Variants in FHIP1B observed in about 807,000 individuals in gnomAD.
FHIP1B encodes FHF complex subunit HOOK-interacting protein 1B.
In FHIP1B, 28 loss-of-function variants were observed where a neutral mutation model predicts 82.2. That is an observed-to-expected ratio of 0.34 (90% CI 0.25 to 0.47). The LOEUF (loss-of-function observed/expected upper bound fraction) is 0.47. FHIP1B is among the 20% of genes least tolerant of loss of function. The pLI is 1.00. For synonymous variants in FHIP1B, 585 were observed against 516.1 expected (o/e 1.13, Z -1.81); for missense variants, 1,110 against 1,262.6 (o/e 0.88, Z 1.83).
chr11:6,222,363 AG>A (rs1169041293), intron 6 of FHIP1B, 78 bp downstream of exon 6: 2 of 1,499,132 alleles, frequency 1.3e-6, no homozygotes, highest in East Asian at 4.5e-5. Context: ...AAAGAAGGGC[AG>A]GAATACCCTC....
At chr11:6,229,124 C>T (rs1376541368) in intron 1 of FHIP1B, among the ~76,000 whole-genome samples, 2 of 152,148 alleles carry the variant, frequency 1.3e-5, no homozygotes, top group Admixed American at 6.5e-5. Context: ...TTTTCTCAAT[C>T]GTATCTCATT....
Position 6,222,301 on chromosome 11 carries a change from G to A in FHIP1B, c.1191+141C>T, listed in dbSNP as rs554336259. ...TACCCAAAATGGTTAAAAGTTTAAT[G>A]CTGGAAAGTTAATGCCACTTAATTT... On this transcript the variant is annotated intron_variant, in intron 6 of 11. Transcript: ENST00000449352. 1.0e-5 allele frequency: 9 copies of A among 886,968 alleles called. No individual in the cohort carries two copies. The African/African-American group carries it at 1.2e-4, about 12-fold the overall frequency. The allele number at this position is 886,968 out of a possible 1,614,324, so 54.9% of individuals were successfully genotyped here.
rs371845795 is a variant in FHIP1B at position 6,214,429 on chromosome 11, G to A, written c.2539C>T (p.Arg847Cys). The change falls in exon 11 of 12, where the codon CGC (arginine) becomes TGC (cysteine). Residue 847 changes from arginine (R) to cysteine (C), a missense_variant. Arg to Cys is a radical substitution (Grantham distance 180). This residue lies in a region of FHIP1B where 147 missense variants were observed against 154.0 expected (regional missense o/e 0.95). Coordinates refer to ENST00000449352, the MANE Select transcript of FHIP1B (RefSeq NM_001098794.2). Reference protein sequence around the residue: ...AEGPAAGPAPRRSDPLVKSRR... With the variant: ...AEGPAAGPAPCRSDPLVKSRR... ...GCCTCACCTAGGGGATCAGAACGGC[G>A]TGGGGCAGGTCCTGCTGCAGGGCCC... is the stretch of plus-strand genomic sequence containing the variant. The A allele has an allele frequency of 2.2e-5, 36 of 1,612,234 alleles. No individual in the cohort carries two copies. Among genetic ancestry groups the A allele is most frequent in the Admixed American group, 1.0e-4 (6 of 59,910 alleles).
chr11:6,215,106 T>C (rs1288529539), intron 9 of FHIP1B, 195 bp from the exon 10 acceptor site: 5 of 466,482 alleles, frequency 1.1e-5, no homozygotes, highest in African/African-American at 2.0e-5. Flanking sequence ...CCCACAAGAT[T>C]CCAGATGCCA....
chr11:6,222,388 C>T, intron 6 of FHIP1B, 54 bp downstream of exon 6: 1 of 1,595,980 alleles, frequency 6.3e-7, no homozygotes. Flanking sequence ...GAACAAAGGT[C>T]AGAGAAAGAA....
intron 9 of FHIP1B, 104 bp from the exon 10 acceptor site, chr11:6,215,015 T>C (rs1847187120): frequency 8.7e-7 from 1 of 1,144,944 alleles, no homozygotes; most frequent in African/African-American, 1.6e-5. Flanking sequence ...TGAAAAGTAT[T>C]TGTATGTCAG....
intron 9 of FHIP1B, among the ~76,000 whole-genome samples, chr11:6,215,524 C>T (rs1376677476): frequency 6.6e-6 from 1 of 152,094 alleles, no homozygotes; most frequent in African/African-American, 2.4e-5. Flanking sequence ...GTTGCAAAGA[C>T]AAAGTAACTA....
chr11:6,215,055 C>T, intron 9 of FHIP1B, 144 bp from the exon 10 acceptor site: 1 of 754,408 alleles, frequency 1.3e-6, no homozygotes, highest in African/African-American at 1.8e-5. Flanking sequence ...ATCCCGTGGC[C>T]ACCTATTCTG....
In FHIP1B at chr11:6,218,236, A is replaced by G. The variant is rs1847304709; in HGVS notation, c.1436-86T>C. 3.4e-6 allele frequency: 5 copies of G among 1,474,184 alleles called. No homozygotes were observed. In the Admixed American group the frequency reaches 1.0e-4, roughly 31 times the overall value. 91.3% of individuals were successfully genotyped at this position (1,474,184 alleles called of 1,614,324 possible). ...ACACCTCGGGAGACTAAGAAAGAAGACAATGGGGAGGCAGAAACATGGAAT... is the reference window on the plus strand; with the variant it reads ...ACACCTCGGGAGACTAAGAAAGAAGGCAATGGGGAGGCAGAAACATGGAAT... On this transcript the variant is annotated intron_variant, in intron 8 of 11. Transcript: ENST00000449352.
intron 11 of FHIP1B, 53 bp downstream of exon 11, chr11:6,214,348 ATTAACCTGGG>A (rs886442416): frequency 1.3e-6 from 2 of 1,514,588 alleles, no homozygotes; most frequent in Admixed American, 4.3e-5. Flanking sequence ...TAAGAGCTCA[ATTAACCTGGG>A]TTAATAGGCT....
chr11:6,228,931 G>A (rs1847631132), intron 1 of FHIP1B, among the ~76,000 whole-genome samples: 2 of 152,168 alleles, frequency 1.3e-5, no homozygotes. Flanking sequence ...TCTCCCCTAT[G>A]GCTAGCCCCT....
chr11:6,227,756 T>C (rs1036917412), intron 1 of FHIP1B, among the ~76,000 whole-genome samples: 1 of 152,058 alleles, frequency 6.6e-6, no homozygotes, highest in Non-Finnish European at 1.5e-5. Context: ...GGTAAAATCA[T>C]GGGGAAAACC....
chr11:6,211,483 C>T lies in FHIP1B; in HGVS notation c.*23G>A. The T allele has an allele frequency of 3.2e-6, 5 of 1,552,472 alleles. No homozygotes were observed. Among genetic ancestry groups the T allele is most frequent in the Non-Finnish European group, 4.3e-6 (5 of 1,153,670 alleles). ...TAGCCCCAGCCCGGGCCACCCATGG[C>T]CCTGATTGTCCATGGAAGAAAGTTA... On this transcript the variant is annotated 3_prime_UTR_variant, in exon 12 of 12. Transcript: ENST00000449352.
Position 6,217,714 on chromosome 11 carries a change from C to A in FHIP1B, c.1872G>T (p.Gly624=). 4.3e-6 allele frequency: 7 copies of A among 1,610,670 alleles called. No individual in the cohort carries two copies. The highest frequency in any genetic ancestry group is 5.1e-6 in the Non-Finnish European group (6 of 1,178,292). The part of the protein sequence containing the change: ...LGRRGRAGGA[G]EGPGHLPPPQ... ...GAGGGGGCAGGTGACCAGGGCCCTCCCCTGCACCCCCAGCCCGCCCCCTCC... is the reference window on the plus strand; with the variant it reads ...GAGGGGGCAGGTGACCAGGGCCCTCACCTGCACCCCCAGCCCGCCCCCTCC... Residue 624 remains glycine, a synonymous_variant, in exon 9 of 12, where the codon GGG becomes GGT. Transcript: ENST00000449352.
intron 8 of FHIP1B, 181 bp downstream of exon 8, chr11:6,218,419 T>C (rs1315972342): frequency 5.0e-6 from 5 of 992,120 alleles, no homozygotes; most frequent in Non-Finnish European, 7.4e-6. Context: ...CCACTCTAAT[T>C]TTCTTTGGTG....
intron 1 of FHIP1B, among the ~76,000 whole-genome samples, chr11:6,224,932 C>T (rs1018479895): frequency 3.9e-5 from 6 of 152,196 alleles, no homozygotes; most frequent in African/African-American, 1.4e-4. Flanking sequence ...AACCTAAATG[C>T]TCAAGCTGAA....
chr11:6,213,261 C>T (rs778681826), intron 11 of FHIP1B, among the ~76,000 whole-genome samples: 17 of 152,232 alleles, frequency 1.1e-4, no homozygotes, highest in Admixed American at 2.0e-4. Context: ...ATTAAGCCTC[C>T]ATCTCTGCTT....
intron 1 of FHIP1B, among the ~76,000 whole-genome samples, chr11:6,228,511 A>C (rs928018205): frequency 2.0e-5 from 3 of 152,200 alleles, no homozygotes; most frequent in African/African-American, 7.2e-5. Context: ...GATAGAGATA[A>C]ATGGCATTAA....
intron 11 of FHIP1B, among the ~76,000 whole-genome samples, chr11:6,213,988 A>C (rs1164473611): frequency 7.2e-6 from 1 of 139,810 alleles, no homozygotes; most frequent in Non-Finnish European, 1.5e-5. Flanking sequence ...TTATTCCACC[A>C]ACTTTTAAAT....
Sources: allele counts gnomAD v4.1 joint callset (sites outside exome capture counted in the v4.1 genomes callset), GRCh38; gene constraint gnomAD v4.1.1; regional missense constraint gnomAD v4.1.1; transcripts MANE v1.5; gene names NCBI Gene and HGNC (gene_info 2026-07-23, HGNC 2026-07-21).